Variants in LPIN2 observed in about 807,000 individuals in gnomAD.
The protein encoded by LPIN2 is phosphatidate phosphatase LPIN2.
Under a neutral mutation model 111.4 loss-of-function variants are expected in LPIN2, and 55 were observed. The ratio of observed to expected loss-of-function variants is 0.49; its 90% confidence interval spans 0.40 to 0.62. The LOEUF is 0.62. Ranked by LOEUF, LPIN2 falls within the 20% of genes least tolerant of loss-of-function variation. LPIN2 has a pLI of 0.00. For synonymous variants in LPIN2, 425 were observed against 414.0 expected (o/e 1.03, Z -0.32); for missense variants, 992 against 1,112.1 (o/e 0.89, Z 1.54).
intron 1 of LPIN2, among the ~76,000 whole-genome samples, chr18:3,000,067 G>A (rs1394924035): frequency 2.0e-5 from 3 of 148,744 alleles, no homozygotes; most frequent in African/African-American, 7.4e-5. Flanking sequence ...AGAGGAGGAG[G>A]AGGAGGAAGA....
At chr18:2,923,205 G>C (rs2077081006) in intron 16 of LPIN2, among the ~76,000 whole-genome samples, 1 of 152,094 alleles carries the variant, frequency 6.6e-6, no homozygotes, top group Non-Finnish European at 1.5e-5. Context: ...GAGATCACCT[G>C]AGGTTCGGAG....
chr18:2,923,420 CAAAAAAAAAAAAA>C (rs869052239), intron 16 of LPIN2, among the ~76,000 whole-genome samples: 1 of 26,590 alleles, frequency 3.8e-5, no homozygotes, highest in East Asian at 9.1e-4. Context: ...AACTCCATCT[CAAAAAAAAAAAAA>C]AAAAAAAAAA....
intron 1 of LPIN2, among the ~76,000 whole-genome samples, chr18:2,992,264 C>T (rs996210268): frequency 6.6e-6 from 1 of 152,100 alleles, no homozygotes; most frequent in Non-Finnish European, 1.5e-5. Flanking sequence ...CTGATACATG[C>T]CACAACATGG....
chr18:2,927,715 C>G lies in LPIN2; in HGVS notation c.1710+7G>C, dbSNP rs1345198380. 1.2e-6 allele frequency: 2 copies of G among 1,613,558 alleles called. No individual in the cohort carries two copies. The highest frequency in any genetic ancestry group is 1.3e-5 in the African/African-American group (1 of 74,920). ...CCCACGGAAACAATGACCTCTAGGT[C>G]TGTTACCTGTTTGGTCATGCTTTCT... On this transcript the variant is annotated splice_region_variant and intron_variant, in intron 12 of 19. Transcript: ENST00000677752.
chr18:2,930,390 T>C (rs1029477391), intron 9 of LPIN2, among the ~76,000 whole-genome samples: 4 of 152,100 alleles, frequency 2.6e-5, no homozygotes, highest in African/African-American at 9.7e-5. Flanking sequence ...TCTTGCAAAA[T>C]ATAAAGCAAA....
intron 9 of LPIN2, 147 bp downstream of exon 9, chr18:2,931,109 A>AG: frequency 4.2e-6 from 4 of 943,018 alleles, no homozygotes; most frequent in Non-Finnish European, 6.6e-6. Flanking sequence ...TGAGGGTATA[A>AG]GGGTCTGACA....
Position 2,919,800 on chromosome 18 carries a change from C to T in LPIN2, c.*493G>A, listed in dbSNP as rs886053758. 4.8e-6 allele frequency: 1 copy of T among 208,738 alleles called. No individual in the cohort carries two copies. The highest frequency in any genetic ancestry group is 1.2e-4 in the East Asian group (1 of 8,426). 12.9% of individuals were successfully genotyped at this position (208,738 alleles called of 1,614,324 possible). A position where few individuals can be genotyped will look rare whatever the true frequency, so the allele number is the denominator to read the frequency against. On this transcript the variant is annotated 3_prime_UTR_variant, in exon 20 of 20. Coordinates refer to ENST00000677752, the MANE Select transcript of LPIN2 (RefSeq NM_001375808.2). ...CCCTTCAGTGTAGCAGGAAATGAGG[C>T]GACCAGAGAAGAAACGTGCACAGGC...
chr18:2,950,816 A>G (rs548483786), intron 4 of LPIN2: 39 of 554,230 alleles, frequency 7.0e-5, no homozygotes, highest in African/African-American at 5.1e-4. Context: ...TGGCTCCTGG[A>G]AACTTCTTTA....
At chr18:2,967,813 G>A (rs1373200618) in intron 1 of LPIN2, 1 of 152,168 alleles carries the variant, frequency 6.6e-6, no homozygotes, top group Non-Finnish European at 1.5e-5. Context: ...CCCCGTCATA[G>A]TAGAATGCCA....
At chr18:2,944,342 T>A (rs2077413746) in intron 4 of LPIN2, among the ~76,000 whole-genome samples, 1 of 44,114 alleles carries the variant, frequency 2.3e-5, no homozygotes, top group African/African-American at 2.1e-4. Flanking sequence ...ACTTTTTTTT[T>A]TTTTTTTTTT....
At chr18:2,969,866 G>T (rs1396203800) in intron 1 of LPIN2, among the ~76,000 whole-genome samples, 1 of 152,208 alleles carries the variant, frequency 6.6e-6, no homozygotes, top group Admixed American at 6.5e-5. Context: ...GATTAAGTTT[G>T]TTATGAAGAC....
Position 2,921,467 on chromosome 18 carries a change from C to T in LPIN2, c.2442+66G>A. ...TGCTTTGAGAATTGGGACGTGGCTA[C>T]ACCCCACGAAGTACATCCCTCTGAA... On this transcript the variant is annotated intron_variant, in intron 18 of 19. Coordinates refer to ENST00000677752, the MANE Select transcript of LPIN2 (RefSeq NM_001375808.2). 2.5e-6 allele frequency: 3 copies of T among 1,186,784 alleles called. No individual in the cohort carries two copies. The South Asian group carries it at 3.6e-5, about 14-fold the overall frequency. The allele number at this position is 1,186,784 out of a possible 1,614,324, so 73.5% of individuals were successfully genotyped here.
At chr18:2,940,919 AT>A (rs1013470306) in intron 4 of LPIN2, among the ~76,000 whole-genome samples, 93 of 152,328 alleles carry the variant, frequency 6.1e-4, no homozygotes, top group African/African-American at 2.1e-3. Context: ...TATGGAATAA[AT>A]AGGGGGAGGA....
chr18:2,967,973 T>C (rs2077834618), intron 1 of LPIN2, among the ~76,000 whole-genome samples: 2 of 152,128 alleles, frequency 1.3e-5, no homozygotes, highest in African/African-American at 4.8e-5. Flanking sequence ...GCCCATGCGG[T>C]CTTCCTGAAG....
chr18:2,931,308 G>A lies in LPIN2; in HGVS notation c.1404C>T (p.Asp468=), dbSNP rs376147435. The change falls in exon 9 of 20, where the codon GAC becomes GAT. Residue 468 remains aspartate (D), a synonymous_variant. Transcript: ENST00000677752. ...CLSDSAMDLP[D]VTLSLCGGLS... ...GGCCCCCGCAAAGGGAGAGGGTAAC[G>A]TCAGGCAAGTCCATGGCAGAATCTG... The A allele has an allele frequency of 3.3e-5, 53 of 1,614,076 alleles. No individual in the cohort carries two copies. The highest frequency in any genetic ancestry group is 4.1e-5 in the Non-Finnish European group (48 of 1,180,058).
chr18:2,920,532 C>T, intron 19 of LPIN2, 95 bp from the exon 20 acceptor site: 2 of 1,365,510 alleles, frequency 1.5e-6, no homozygotes, highest in East Asian at 2.3e-5. Flanking sequence ...TCAGATTGCT[C>T]AGGTGGGCAG....
chr18:3,012,896 G>A (rs1173751803), intron 1 of LPIN2, among the ~76,000 whole-genome samples, 191 bp downstream of exon 1: 1 of 151,556 alleles, frequency 6.6e-6, no homozygotes, highest in Non-Finnish European at 1.5e-5. Flanking sequence ...GGCGAGGCGG[G>A]GACTGGGACG....
At chr18:3,002,463 G>T (rs1429818613) in intron 1 of LPIN2, among the ~76,000 whole-genome samples, 2 of 152,098 alleles carry the variant, frequency 1.3e-5, no homozygotes, top group African/African-American at 4.8e-5. Context: ...AATACACTAG[G>T]TATAGACAAC....
rs1260700632 is a variant in LPIN2, at chr18:2,920,347, G to A, written c.2637C>T (p.Ser879=). ...NSAFPCPEFS[S]FCYWRDPIPE... ...GGATCGGGTCTCGCCAGTAGCAGAA[G>A]GAGCTGAACTCCGGGCAGGGAAAAG... Residue 879 remains serine (S), a synonymous_variant, in exon 20 of 20, where the codon TCC becomes TCT. Transcript: ENST00000677752. 6.2e-7 allele frequency: 1 copy of A among 1,614,176 alleles called. No individual in the cohort carries two copies. Among genetic ancestry groups the A allele is most frequent in the Non-Finnish European group, 8.5e-7 (1 of 1,180,048 alleles).
Sources: gnomAD v4.1 joint callset for allele counts (sites outside exome capture counted in the v4.1 genomes callset) on GRCh38, gnomAD v4.1.1 for gene constraint, MANE v1.5 for transcripts, NCBI Gene and HGNC (gene_info 2026-07-23, HGNC 2026-07-21) for gene names.